POLE2: variants seen among roughly 807,000 people sequenced by gnomAD.
The protein encoded by POLE2 is DNA polymerase epsilon subunit 2.
In POLE2, 56 loss-of-function variants were observed where a neutral mutation model predicts 79.4. The ratio of observed to expected loss-of-function variants is 0.71; its 90% confidence interval spans 0.57 to 0.88. POLE2 has a LOEUF of 0.88. POLE2 is among the 40% of genes least tolerant of loss of function. The probability of loss-of-function intolerance (pLI) is 0.00; values close to 1 mark genes in which losing one functional copy is unlikely to be tolerated. For synonymous variants in POLE2, 212 were observed against 214.0 expected, an observed-to-expected ratio of 0.99 and a Z score of 0.08; for missense variants, 598 against 638.9, an observed-to-expected ratio of 0.94 and a Z score of 0.69.
chr14:49,675,380 G>A (rs913050610), intron 3 of POLE2, among the ~76,000 whole-genome samples: 7 of 148,220 alleles, frequency 4.7e-5, no homozygotes, highest in South Asian at 2.2e-4. Flanking sequence ...CACTGCGCCC[G>A]GCCATGAGCT....
chr14:49,662,554 GACACTAACTAGGGC>G (rs1885168970), intron 10 of POLE2, among the ~76,000 whole-genome samples: 1 of 152,214 alleles, frequency 6.6e-6, no homozygotes, highest in Non-Finnish European at 1.5e-5. Context: ...GCAGTCCACT[GACACTAACTAGGGC>G]ACACATACAT....
At chr14:49,651,134 C>T in intron 16 of POLE2, 135 bp downstream of exon 16, 1 of 499,546 alleles carries the variant, frequency 2.0e-6, no homozygotes, top group Non-Finnish European at 3.7e-6. Flanking sequence ...AATTAACTTA[C>T]TGACAAAAGT....
rs527251561 is a variant in POLE2 at position 49,645,043 on chromosome 14, C to CAAAAAAAA, written c.1566-1381_1566-1374dup. ...GGCAACAGAGCAAAACTCCGTCTCA[C>CAAAAAAAA]AAAAAAAAAAAAAAACACTGCAGTA... On this transcript the variant is annotated intron_variant, in intron 18 of 18. Transcript: ENST00000216367. Among the ~76,000 whole-genome samples, 92 of 88,296 alleles carry CAAAAAAAA rather than the reference C, an allele frequency of 1.0e-3. 1 individual carries two copies. The highest frequency in any genetic ancestry group is 3.4e-3 in the African/African-American group (87 of 25,472). The allele number at this position is 88,296 out of a possible 152,430, so 57.9% of individuals were successfully genotyped here.
chr14:49,664,975 C>G, intron 8 of POLE2, 132 bp downstream of exon 8: 1 of 660,078 alleles, frequency 1.5e-6, no homozygotes, highest in Non-Finnish European at 2.7e-6. Context: ...GATTATATCT[C>G]TACATTCCTA....
intron 10 of POLE2, among the ~76,000 whole-genome samples, chr14:49,658,083 T>C (rs1400437215): frequency 2.0e-5 from 3 of 151,638 alleles, no homozygotes; most frequent in Non-Finnish European, 4.4e-5. Context: ...CATCTTTTTT[T>C]TTTTTTCTTT....
intron 16 of POLE2, 46 bp from the exon 17 acceptor site, chr14:49,650,487 A>G (rs1219220413): frequency 4.8e-6 from 6 of 1,257,186 alleles, no homozygotes; most frequent in Non-Finnish European, 6.3e-6. Flanking sequence ...CATTTGCAAA[A>G]GTGAAAATAG....
intron 6 of POLE2, among the ~76,000 whole-genome samples, chr14:49,668,583 T>C (rs1336269788): frequency 2.0e-5 from 3 of 152,174 alleles, no homozygotes; most frequent in Non-Finnish European, 2.9e-5. Flanking sequence ...AAGTAGGGAA[T>C]GTGCCATCAC....
At chr14:49,675,061 A>G (rs552165185) in intron 3 of POLE2, among the ~76,000 whole-genome samples, 18 of 151,970 alleles carry the variant, frequency 1.2e-4, no homozygotes, top group African/African-American at 3.9e-4. Flanking sequence ...ATCTCTCCCT[A>G]TATGTACTAC....
intron 6 of POLE2, 72 bp downstream of exon 6, chr14:49,669,448 CAATG>C (rs1266886777): frequency 2.6e-6 from 2 of 779,610 alleles, no homozygotes; most frequent in East Asian, 5.0e-5. Flanking sequence ...ATTTAAAATT[CAATG>C]AATTAGAATT....
intron 15 of POLE2, among the ~76,000 whole-genome samples, chr14:49,652,859 C>A (rs541868330): frequency 1.3e-5 from 2 of 152,046 alleles, no homozygotes; most frequent in African/African-American, 2.4e-5. Flanking sequence ...ACCCCCACCC[C>A]CCCTGGCGTC....
At chr14:49,673,466 C>T (rs574499619) in intron 5 of POLE2, among the ~76,000 whole-genome samples, 1 of 152,310 alleles carries the variant, frequency 6.6e-6, no homozygotes, top group South Asian at 2.1e-4. Context: ...TTTTGCTGTA[C>T]CTTTCTTCAC....
At chr14:49,651,214 A>G (rs1423938000) in intron 16 of POLE2, 55 bp downstream of exon 16, 5 of 753,514 alleles carry the variant, frequency 6.6e-6, no homozygotes, top group African/African-American at 1.8e-5. Flanking sequence ...GGCTTAATAA[A>G]ATTTTATATA....
chr14:49,647,465 A>ATT, intron 17 of POLE2, 105 bp from the exon 18 acceptor site: 1 of 345,438 alleles, frequency 2.9e-6, no homozygotes, highest in Non-Finnish European at 5.0e-6. Flanking sequence ...TTATTTATTT[A>ATT]TTTTTTTTTT....
intron 18 of POLE2, 106 bp from the exon 19 acceptor site, chr14:49,643,776 C>T (rs3218796): frequency 0.2 from 109,862 of 539,920 alleles, 12,273 homozygotes; most frequent in Admixed American, 0.31. Context: ...TTTTTAAAAA[C>T]AGGTCAATAC....
At chr14:49,647,456 TATTTA>T (rs1247555930) in intron 17 of POLE2, 96 bp from the exon 18 acceptor site, 1 of 412,082 alleles carries the variant, frequency 2.4e-6, no homozygotes, top group Non-Finnish European at 4.1e-6. Flanking sequence ...TTTTTTATTT[TATTTA>T]TTTATTTTTT....
At chr14:49,649,065 A>G (rs948055268) in intron 17 of POLE2, among the ~76,000 whole-genome samples, 2 of 151,932 alleles carry the variant, frequency 1.3e-5, no homozygotes, top group Non-Finnish European at 2.9e-5. Context: ...TTTGTTTGAC[A>G]TAACTGTGTT....
At chr14:49,649,170 G>A (rs1321007199) in intron 17 of POLE2, among the ~76,000 whole-genome samples, 2 of 107,084 alleles carry the variant, frequency 1.9e-5, no homozygotes, top group South Asian at 5.8e-4. Context: ...TTTTTGAGAC[G>A]CAGTCTCGCT....
intron 6 of POLE2, among the ~76,000 whole-genome samples, chr14:49,668,202 G>A (rs45554131): frequency 1.1e-4 from 16 of 152,204 alleles, no homozygotes; most frequent in East Asian, 5.8e-4. Context: ...CCTGGGAAGC[G>A]GAGGTTGCAG....
Position 49,643,673 on chromosome 14 carries a change from G to T in POLE2, c.1566-3C>A. ...AATCTCAAAAGCCTTGAAGTTTGCT[G>T]AAAATAGAAAAAAAAATTAAATATT... On this transcript the variant is annotated splice_region_variant and splice_polypyrimidine_tract_variant and intron_variant, in intron 18 of 18. Coordinates refer to ENST00000216367, the MANE Select transcript of POLE2 (RefSeq NM_002692.4). 1 of 1,366,738 alleles carries T rather than the reference G, an allele frequency of 7.3e-7. No individual in the cohort carries two copies. Among genetic ancestry groups the T allele is most frequent in the Non-Finnish European group, 1.0e-6 (1 of 979,060 alleles). 84.7% of individuals were successfully genotyped at this position (1,366,738 alleles called of 1,614,324 possible).
Sources: gnomAD v4.1 joint callset for allele counts (sites outside exome capture counted in the v4.1 genomes callset) on GRCh38, gnomAD v4.1.1 for gene constraint, MANE v1.5 for transcripts, NCBI Gene and HGNC (gene_info 2026-07-23, HGNC 2026-07-21) for gene names.